RBMS3: variants seen among roughly 807,000 people sequenced by gnomAD.
The protein encoded by RBMS3 is RNA binding motif single stranded interacting protein 3.
Under a neutral mutation model 66.8 loss-of-function variants are expected in RBMS3, and 27 were observed. The ratio of observed to expected loss-of-function variants is 0.40; its 90% CI spans 0.30 to 0.56. RBMS3 has a LOEUF of 0.56. RBMS3 is among the 20% of genes least tolerant of loss of function. The pLI is 0.40. For synonymous variants in RBMS3, 188 were observed against 183.0 expected (o/e 1.03, Z -0.22); for missense variants, 513 against 549.5 (o/e 0.93, Z 0.66).
intron 6 of RBMS3, among the ~76,000 whole-genome samples, chr3:29,860,503 G>GCT (rs1252838084): frequency 6.6e-6 from 1 of 152,114 alleles, no homozygotes; most frequent in African/African-American, 2.4e-5. Flanking sequence ...TGATTTCTAA[G>GCT]CTAAAGGACA....
chr3:29,997,491 T>C (rs189189504), intron 14 of RBMS3, among the ~76,000 whole-genome samples: 13 of 148,766 alleles, frequency 8.7e-5, no homozygotes, highest in South Asian at 6.6e-4. Context: ...ACCGATATCC[T>C]TGATGAACAT....
chr3:29,495,058 T>C (rs1296057847), intron 3 of RBMS3, among the ~76,000 whole-genome samples: 1 of 152,086 alleles, frequency 6.6e-6, no homozygotes, highest in Non-Finnish European at 1.5e-5. Context: ...TGGAGACAAG[T>C]ATCCAAAAGT....
At chr3:29,920,647 G>C (rs1368017545) in intron 10 of RBMS3, among the ~76,000 whole-genome samples, 2 of 151,924 alleles carry the variant, frequency 1.3e-5, no homozygotes, top group Non-Finnish European at 2.9e-5. Context: ...ATTCGTTAAA[G>C]TCCCTAATGA....
chr3:29,486,331 G>A (rs1396384564), intron 2 of RBMS3, among the ~76,000 whole-genome samples: 10 of 152,046 alleles, frequency 6.6e-5, no homozygotes, highest in Non-Finnish European at 1.5e-4. Flanking sequence ...ATGTTGTAAC[G>A]GAGCCATGGA....
chr3:29,767,955 TG>T (rs1189428656), intron 6 of RBMS3, among the ~76,000 whole-genome samples: 3 of 151,924 alleles, frequency 2.0e-5, no homozygotes, highest in African/African-American at 4.8e-5. Flanking sequence ...AAAAATGCTA[TG>T]GTATATAGTT....
intron 4 of RBMS3, chr3:29,614,746 C>T (rs2048605763): frequency 6.6e-6 from 1 of 151,948 alleles, no homozygotes; most frequent in African/African-American, 2.4e-5. Context: ...TGTGAGATCT[C>T]TGGAAACTAT....
rs139461480 is a variant in RBMS3, at chr3:29,899,733, C to T, written c.917C>T (p.Pro306Leu). Residue 306 changes from proline to leucine, a missense_variant, in exon 10 of 15, where the codon CCG (proline) becomes CTG (leucine). By Grantham distance (98) the Pro-to-Leu change is moderately conservative. Transcript: ENST00000383767. ...QVQSTSWMPH[P>L]PYVMQPTGAV... ...CAGAGTACTTCATGGATGCCTCATC[C>T]GCCATACGTTATGCAACCAACAGTA... is the stretch of plus-strand genomic sequence containing the variant. The T allele has an allele frequency of 2.7e-5, 43 of 1,610,288 alleles. No individual in the cohort carries two copies. The highest frequency in any genetic ancestry group is 1.4e-4 in the South Asian group (13 of 90,952).
chr3:29,325,208 T>C (rs543383149), intron 1 of RBMS3, among the ~76,000 whole-genome samples: 1 of 152,162 alleles, frequency 6.6e-6, no homozygotes, highest in Non-Finnish European at 1.5e-5. Flanking sequence ...TGCAGAACAT[T>C]TGTATTTTAT....
At chr3:29,598,316 A>G (rs2048027418) in intron 4 of RBMS3, among the ~76,000 whole-genome samples, 2 of 152,088 alleles carry the variant, frequency 1.3e-5, no homozygotes, top group South Asian at 4.1e-4. Flanking sequence ...GGCTTTATAT[A>G]TTCCCGAGGA....
intron 5 of RBMS3, among the ~76,000 whole-genome samples, chr3:29,762,401 T>A (rs2055728832): frequency 6.6e-6 from 1 of 152,160 alleles, no homozygotes; most frequent in East Asian, 1.9e-4. Flanking sequence ...CTTGTCAACC[T>A]CTTTTGTGAA....
At chr3:29,970,028 G>A (rs1003977283) in intron 12 of RBMS3, among the ~76,000 whole-genome samples, 8 of 152,092 alleles carry the variant, frequency 5.3e-5, no homozygotes, top group Admixed American at 4.6e-4. Context: ...TTCTATAAGT[G>A]TGTATGAAAT....
chr3:29,370,800 A>G (rs2038158332), intron 1 of RBMS3, among the ~76,000 whole-genome samples: 1 of 152,206 alleles, frequency 6.6e-6, no homozygotes, highest in Non-Finnish European at 1.5e-5. Context: ...GATTTGTTCA[A>G]TGGCATTTAA....
At chr3:29,650,623 A>G (rs1446004681) in intron 4 of RBMS3, among the ~76,000 whole-genome samples, 1 of 152,140 alleles carries the variant, frequency 6.6e-6, no homozygotes, top group African/African-American at 2.4e-5. Context: ...TTGAAGAGAT[A>G]GGTTCATTGT....
At chr3:29,392,889 C>T (rs1032895488) in intron 1 of RBMS3, among the ~76,000 whole-genome samples, 2 of 148,444 alleles carry the variant, frequency 1.3e-5, no homozygotes, top group African/African-American at 2.5e-5. Flanking sequence ...TATAAGATGG[C>T]ATAGTGTCTA....
intron 14 of RBMS3, among the ~76,000 whole-genome samples, chr3:29,996,664 G>A (rs1163128263): frequency 6.6e-6 from 1 of 151,862 alleles, no homozygotes; most frequent in Non-Finnish European, 1.5e-5. Context: ...GCTCCTGAAT[G>A]ACTACTGGGT....
At chr3:29,386,673 C>T (rs534977338) in intron 1 of RBMS3, among the ~76,000 whole-genome samples, 1 of 152,266 alleles carries the variant, frequency 6.6e-6, no homozygotes, top group East Asian at 1.9e-4. Flanking sequence ...TGCTTCCCAT[C>T]TTAAGAGAAA....
At chr3:29,368,224 T>C (rs1205144551) in intron 1 of RBMS3, among the ~76,000 whole-genome samples, 2 of 152,182 alleles carry the variant, frequency 1.3e-5, no homozygotes, top group Admixed American at 1.3e-4. Flanking sequence ...CATTGCATTA[T>C]TTGGTGGAAA....
chr3:29,500,771 C>G (rs558488685), intron 3 of RBMS3, among the ~76,000 whole-genome samples: 1 of 151,982 alleles, frequency 6.6e-6, no homozygotes, highest in Non-Finnish European at 1.5e-5. Flanking sequence ...GGACACATTT[C>G]TCAGAATGTA....
chr3:29,973,769 T>C (rs574019759), intron 12 of RBMS3, among the ~76,000 whole-genome samples: 1 of 151,960 alleles, frequency 6.6e-6, no homozygotes, highest in Non-Finnish European at 1.5e-5. Context: ...AAGCACTCAG[T>C]TTCACACATA....
Sources: allele counts gnomAD v4.1 joint callset (sites outside exome capture counted in the v4.1 genomes callset), GRCh38; gene constraint gnomAD v4.1.1; transcripts MANE v1.5; gene names NCBI Gene and HGNC (gene_info 2026-07-23, HGNC 2026-07-21).